Variants in YAP1 observed in about 807,000 individuals in gnomAD.
The protein encoded by YAP1 is transcriptional coactivator YAP1.
YAP1 carries 5 observed loss-of-function variants against 56.9 expected under a neutral mutation model. The ratio of observed to expected loss-of-function variants is 0.09; its 90% CI spans 0.05 to 0.18. The LOEUF (loss-of-function observed/expected upper bound fraction) is 0.18. Ranked by LOEUF, YAP1 falls within the 10% of genes least tolerant of loss-of-function variation. The pLI, the probability that YAP1 is intolerant of heterozygous loss-of-function variation, is 1.00. For synonymous variants in YAP1, 265 were observed against 248.1 expected, an observed-to-expected ratio of 1.07 and a Z score of -0.64; for missense variants, 539 against 651.8, an observed-to-expected ratio of 0.83 and a Z score of 1.88.
intron 6 of YAP1, among the ~76,000 whole-genome samples, chr11:102,214,639 A>G (rs988989877): frequency 1.1e-4 from 16 of 152,200 alleles, no homozygotes; most frequent in Non-Finnish European, 2.1e-4. Flanking sequence ...TCATAGATTT[A>G]TTTGAAGGTT....
intron 2 of YAP1, among the ~76,000 whole-genome samples, chr11:102,145,256 G>C (rs543735707): frequency 6.6e-6 from 1 of 152,184 alleles, no homozygotes; most frequent in African/African-American, 2.4e-5. Flanking sequence ...GTTCAGCTCA[G>C]TGTTTTTGGT....
intron 2 of YAP1, among the ~76,000 whole-genome samples, chr11:102,123,797 G>A (rs749500862): frequency 1.5e-4 from 22 of 151,348 alleles, no homozygotes; most frequent in Non-Finnish European, 2.2e-4. Context: ...CCACCACCGC[G>A]CCCAGCTAAG....
intron 5 of YAP1, among the ~76,000 whole-genome samples, chr11:102,206,623 ATCACTTGAGGCCAGT>A (rs1265143544): frequency 6.6e-5 from 10 of 152,296 alleles, no homozygotes; most frequent in African/African-American, 2.4e-4. Context: ...GGGTGGGCAG[ATCACTTGAGGCCAGT>A]TCAAGACAAG....
intron 2 of YAP1, among the ~76,000 whole-genome samples, chr11:102,137,106 C>G (rs575046316): frequency 6.6e-6 from 1 of 152,134 alleles, no homozygotes; most frequent in Non-Finnish European, 1.5e-5. Flanking sequence ...AAACATCTGT[C>G]TCCTTTGCCC....
rs777581023 is a variant in YAP1 at position 102,209,556 on chromosome 11, A to G, written c.1024A>G (p.Lys342Glu). ...NINPSTANSP[K>E]CQELALRSQL... ...CAATCCCAGCACAGCAAATTCTCCA[A>G]AATGTCAGGTAGGCTCTTATCTGAT... is the stretch of plus-strand genomic sequence containing the variant. Residue 342 changes from lysine (K) to glutamate (E), a missense_variant, in exon 6 of 9, where the codon AAA (lysine) becomes GAA (glutamate). This residue lies in a region of YAP1 where 414 missense variants were observed against 512.4 expected (regional missense o/e 0.81). Transcript: ENST00000282441. 138 of 1,599,298 alleles carry G rather than the reference A, an allele frequency of 8.6e-5. No homozygotes were observed. Among genetic ancestry groups the G allele is most frequent in the Non-Finnish European group, 8.7e-5 (102 of 1,175,746 alleles).
intron 2 of YAP1, among the ~76,000 whole-genome samples, chr11:102,149,105 G>A (rs1945485516): frequency 6.6e-6 from 1 of 152,190 alleles, no homozygotes; most frequent in South Asian, 2.1e-4. Flanking sequence ...GCTTATTAAA[G>A]TGACATTTCT....
At chr11:102,150,308 AG>A (rs1945564119) in intron 2 of YAP1, among the ~76,000 whole-genome samples, 1 of 152,164 alleles carries the variant, frequency 6.6e-6, no homozygotes, top group Non-Finnish European at 1.5e-5. Context: ...CACAGAAATT[AG>A]AAGTATCATT....
Position 102,210,011 on chromosome 11 carries a change from T to C in YAP1, c.1032+447T>C, listed in dbSNP as rs980758755. On this transcript the variant is annotated intron_variant, in intron 6 of 8. Coordinates refer to ENST00000282441, the MANE Select transcript of YAP1 (RefSeq NM_001130145.3). ...TACTATGAGGAAGAGAAAAATTCTTTCTAGTGGACATTCCAAAGGAAAAAT... is the reference window on the plus strand; with the variant it reads ...TACTATGAGGAAGAGAAAAATTCTTCCTAGTGGACATTCCAAAGGAAAAAT... 2.0e-5 allele frequency among the ~76,000 whole-genome samples: 3 copies of C among 152,326 alleles called. No homozygotes were observed. In the South Asian group the frequency reaches 6.2e-4, roughly 32 times the overall value.
chr11:102,179,257 G>T (rs556416394), intron 3 of YAP1, among the ~76,000 whole-genome samples: 1 of 152,086 alleles, frequency 6.6e-6, no homozygotes, highest in African/African-American at 2.4e-5. Flanking sequence ...TGGTGGTCAG[G>T]CATGATAGCC....
chr11:102,202,648 T>C (rs1215845787), intron 4 of YAP1, among the ~76,000 whole-genome samples: 1 of 152,154 alleles, frequency 6.6e-6, no homozygotes, highest in African/African-American at 2.4e-5. Flanking sequence ...AAAATTCTTA[T>C]TTATAGAACT....
At position 102,110,891 on chromosome 11, in the gene YAP1, G is replaced by A. The variant is rs1428291984; in HGVS notation, c.43G>A (p.Gly15Ser). Residue 15 changes from glycine (G) to serine (S), a missense_variant, in exon 1 of 9, where the codon GGC becomes AGC. Around this residue, in one of 4 missense-constraint regions of YAP1, gnomAD observed 106 missense variants for 86.6 expected, o/e 1.22. Transcript: ENST00000282441. ...QQPPPQPAPQ[G>S]QGQPPSQPPQ... ...GCCGCCGCCTCAACCGGCCCCCCAG[G>A]GCCAAGGGCAGCCGCCTTCGCAGCC... The A allele has an allele frequency of 2.8e-6, 4 of 1,433,958 alleles. No individual in the cohort carries two copies. The highest frequency in any genetic ancestry group is 2.7e-5 in the Admixed American group (1 of 36,986). The allele number at this position is 1,433,958 out of a possible 1,614,324, so 88.8% of individuals were successfully genotyped here. A position where few individuals can be genotyped will look rare whatever the true frequency, so the allele number is the denominator to read the frequency against.
chr11:102,170,766 C>G (rs1162046877), intron 3 of YAP1, among the ~76,000 whole-genome samples: 1 of 152,042 alleles, frequency 6.6e-6, no homozygotes, highest in Admixed American at 6.6e-5. Flanking sequence ...GTCAGGAGTT[C>G]AAGACCAGCT....
intron 6 of YAP1, among the ~76,000 whole-genome samples, chr11:102,218,631 A>T (rs1053566738): frequency 2.0e-5 from 3 of 152,134 alleles, no homozygotes; most frequent in African/African-American, 7.2e-5. Flanking sequence ...TGATTCTTTC[A>T]AGTCTAATTT....
chr11:102,128,076 T>C (rs1476682524), intron 2 of YAP1, among the ~76,000 whole-genome samples: 1 of 152,226 alleles, frequency 6.6e-6, no homozygotes, highest in African/African-American at 2.4e-5. Flanking sequence ...GGATTTGCCT[T>C]GTCTCTGATG....
chr11:102,180,869 G>A (rs896396576), intron 3 of YAP1, among the ~76,000 whole-genome samples: 8 of 151,518 alleles, frequency 5.3e-5, no homozygotes, highest in African/African-American at 1.7e-4. Context: ...ATTCTCGGTC[G>A]GGCATGGTAG....
intron 3 of YAP1, among the ~76,000 whole-genome samples, chr11:102,170,846 G>C (rs1029625855): frequency 6.6e-6 from 1 of 151,902 alleles, no homozygotes; most frequent in African/African-American, 2.4e-5. Context: ...GTGGGTGCCT[G>C]TAATCCCAGC....
At chr11:102,229,449 T>G (rs1249353984) in intron 8 of YAP1, among the ~76,000 whole-genome samples, 1 of 152,210 alleles carries the variant, frequency 6.6e-6, no homozygotes, top group Non-Finnish European at 1.5e-5. Context: ...ATTTTTTTCA[T>G]GACTCCTTTA....
At chr11:102,125,143 C>T (rs560739096) in intron 2 of YAP1, among the ~76,000 whole-genome samples, 18 of 149,530 alleles carry the variant, frequency 1.2e-4, no homozygotes, top group African/African-American at 1.7e-4. Flanking sequence ...CTCAGGTGAT[C>T]GTCCTGCCTT....
At chr11:102,185,029 T>A (rs1234319090) in intron 3 of YAP1, among the ~76,000 whole-genome samples, 1 of 152,220 alleles carries the variant, frequency 6.6e-6, no homozygotes, top group Non-Finnish European at 1.5e-5. Context: ...GAACAATGAC[T>A]AGCACAAGAT....
Sources: gnomAD v4.1 joint callset for allele counts (sites outside exome capture counted in the v4.1 genomes callset) on GRCh38, gnomAD v4.1.1 for gene constraint, gnomAD v4.1.1 regional missense constraint, MANE v1.5 for transcripts, NCBI Gene and HGNC (gene_info 2026-07-23, HGNC 2026-07-21) for gene names.